Variants in RBFOX3 observed in about 807,000 individuals in gnomAD.
RBFOX3 encodes RNA binding fox-1 homolog 3.
A neutral mutation model predicts 48.7 loss-of-function variants in RBFOX3; 17 were observed. The observed-to-expected ratio is 0.35, with a 90% CI of 0.24 to 0.52. The LOEUF is 0.52. RBFOX3 is among the 20% of genes least tolerant of loss of function. The pLI is 0.94. For synonymous variants in RBFOX3, 212 were observed against 209.5 expected (o/e 1.01, Z -0.10); for missense variants, 382 against 497.5 (o/e 0.77, Z 2.21).
Position 79,319,736 on chromosome 17 carries a change from G to A in RBFOX3, c.-174-11912C>T, listed in dbSNP as rs552532047. Among the ~76,000 whole-genome samples, 10 of 151,394 alleles carry A rather than the reference G, an allele frequency of 6.6e-5. No individual in the cohort carries two copies. In the East Asian group the frequency reaches 2.0e-3, roughly 30 times the overall value. ...TGGGCCAGCTGTTCTTGTCCAGGCT[G>A]CTGGTCTTGTCTGGGCTGCTGGTCC... On this transcript the variant is annotated intron_variant, in intron 2 of 14. Transcript: ENST00000693108.
At chr17:79,121,280 T>C (rs1182927510) in intron 4 of RBFOX3, among the ~76,000 whole-genome samples, 1 of 152,118 alleles carries the variant, frequency 6.6e-6, no homozygotes, top group Non-Finnish European at 1.5e-5. Flanking sequence ...ATTCGCCCCT[T>C]GCACTCCACA....
intron 1 of RBFOX3, among the ~76,000 whole-genome samples, chr17:79,565,077 T>A (rs1175532914): frequency 6.0e-5 from 9 of 150,634 alleles, no homozygotes; most frequent in African/African-American, 2.2e-4. Context: ...TACCTTGTCA[T>A]ATTAAGTAAA....
chr17:79,459,222 C>T (rs1288625146), intron 2 of RBFOX3, among the ~76,000 whole-genome samples: 4 of 152,180 alleles, frequency 2.6e-5, no homozygotes, highest in South Asian at 4.1e-4. Context: ...AATGCCGCAG[C>T]GTCACCTCTA....
intron 3 of RBFOX3, among the ~76,000 whole-genome samples, chr17:79,239,923 T>C (rs2062121171): frequency 6.6e-6 from 1 of 152,252 alleles, no homozygotes. Context: ...CGGATGTGCA[T>C]TTATCCACCT....
intron 2 of RBFOX3, among the ~76,000 whole-genome samples, chr17:79,338,433 T>C (rs578113885): frequency 4.5e-4 from 68 of 152,312 alleles, no homozygotes; most frequent in African/African-American, 1.6e-3. Context: ...GTGAAATTTC[T>C]GTCTTTCCAT....
chr17:79,129,320 G>A (rs1439517765), intron 4 of RBFOX3, among the ~76,000 whole-genome samples: 1 of 152,224 alleles, frequency 6.6e-6, no homozygotes, highest in Non-Finnish European at 1.5e-5. Context: ...CATCCAGGAT[G>A]TAGCAGACCT....
In RBFOX3 at chr17:79,371,195, C is replaced by T. The variant is rs11650155; in HGVS notation, c.-174-63371G>A. Among the ~76,000 whole-genome samples, 5 of 152,132 alleles carry T rather than the reference C, an allele frequency of 3.3e-5. No individual in the cohort carries two copies. In the South Asian group the frequency reaches 8.3e-4, roughly 25 times the overall value. The stretch of plus-strand genomic sequence containing the variant: ...GGACCATGGCGAGGGGCCACAGTGG[C>T]GGCCCTGTTGCCTCCATGGGGCAGA... On this transcript the variant is annotated intron_variant, in intron 2 of 14. Transcript: ENST00000693108.
chr17:79,650,870 T>C, the RBFOX3 span, among the ~76,000 whole-genome samples: 3 of 152,150 alleles, frequency 2.0e-5, no homozygotes, highest in Non-Finnish European at 4.4e-5. Context: ...AGCATCTCCA[T>C]GCCTGAAGCT....
Position 79,464,835 on chromosome 17 carries a change from G to A in RBFOX3, c.-175+17619C>T, listed in dbSNP as rs113457173. Among the ~76,000 whole-genome samples the A allele has an allele frequency of 3.1e-3, 468 of 152,330 alleles. 2 individuals carry two copies. The highest frequency in any genetic ancestry group is 0.011 in the African/African-American group (441 of 41,570). ...CCCCAGCCGCTCAGATGCCAGCAAC[G>A]TGCTGGCACAGTGCTCGCCCTGTTG... On this transcript the variant is annotated intron_variant, in intron 2 of 14. Coordinates refer to ENST00000693108, the MANE Select transcript of RBFOX3 (RefSeq NM_001350451.2).
intron 4 of RBFOX3, among the ~76,000 whole-genome samples, chr17:79,129,694 T>C (rs990436521): frequency 7.2e-5 from 11 of 152,212 alleles, no homozygotes; most frequent in Non-Finnish European, 1.3e-4. Flanking sequence ...GCTGGTAACA[T>C]TAACAACTGG....
At chr17:79,621,700 TGC>T in the RBFOX3 span, among the ~76,000 whole-genome samples, 2 of 152,302 alleles carry the variant, frequency 1.3e-5, no homozygotes, top group Admixed American at 1.3e-4. Flanking sequence ...TAAATGTTCA[TGC>T]GTGCCTGCAG....
At chr17:79,263,502 C>G (rs527448843) in intron 3 of RBFOX3, among the ~76,000 whole-genome samples, 6 of 152,304 alleles carry the variant, frequency 3.9e-5, no homozygotes, top group Admixed American at 2.6e-4. Flanking sequence ...GGGAGAGTCC[C>G]GTGCTGCTCG....
intron 2 of RBFOX3, among the ~76,000 whole-genome samples, chr17:79,452,459 C>T (rs572590345): frequency 2.0e-5 from 3 of 152,314 alleles, no homozygotes; most frequent in South Asian, 2.1e-4. Context: ...CAGACATGGA[C>T]GTGGTTTATG....
chr17:79,522,629 C>T (rs2150006494), intron 1 of RBFOX3, among the ~76,000 whole-genome samples: 1 of 152,218 alleles, frequency 6.6e-6, no homozygotes, highest in South Asian at 2.1e-4. Flanking sequence ...TGTCAGATCT[C>T]ATCCAAAGTA....
At chr17:79,104,267 G>C in intron 6 of RBFOX3, 141 bp from the exon 7 acceptor site, 1 of 781,944 alleles carries the variant, frequency 1.3e-6, no homozygotes, top group Non-Finnish European at 2.2e-6. Flanking sequence ...GGAGACCGGG[G>C]ACCCCCTCCC....
chr17:79,292,246 A>G (rs1406444837), intron 3 of RBFOX3, among the ~76,000 whole-genome samples: 1 of 152,042 alleles, frequency 6.6e-6, no homozygotes, highest in Non-Finnish European at 1.5e-5. Flanking sequence ...CTAAGAGCAA[A>G]ACCAGGGTAA....
At chr17:79,359,647 T>A (rs1241990291) in intron 2 of RBFOX3, among the ~76,000 whole-genome samples, 1 of 151,878 alleles carries the variant, frequency 6.6e-6, no homozygotes, top group Non-Finnish European at 1.5e-5. Context: ...GACCATAGGA[T>A]GGGGCTCCAG....
intron 4 of RBFOX3, among the ~76,000 whole-genome samples, chr17:79,146,346 A>C (rs1034680868): frequency 6.6e-6 from 1 of 152,170 alleles, no homozygotes; most frequent in Non-Finnish European, 1.5e-5. Context: ...GGGCCAAATG[A>C]CAGGAGGGAG....
chr17:79,251,271 C>T (rs753368519), intron 3 of RBFOX3, among the ~76,000 whole-genome samples: 3 of 152,150 alleles, frequency 2.0e-5, no homozygotes, highest in Non-Finnish European at 4.4e-5. Context: ...CTGGCACCTC[C>T]TAGATCTTAC....
Sources: gnomAD v4.1 joint callset for allele counts (sites outside exome capture counted in the v4.1 genomes callset) on GRCh38, gnomAD v4.1.1 for gene constraint, MANE v1.5 for transcripts, NCBI Gene and HGNC (gene_info 2026-07-23, HGNC 2026-07-21) for gene names.